Variants in SARDH observed in about 807,000 individuals in gnomAD.
The protein encoded by SARDH is sarcosine dehydrogenase, mitochondrial.
A neutral mutation model predicts 109.1 loss-of-function variants in SARDH; 95 were observed. The ratio of observed to expected loss-of-function variants is 0.87; its 90% CI spans 0.74 to 1.03. The LOEUF is 1.03. Ranked by LOEUF, SARDH falls within the 50% of genes least tolerant of loss-of-function variation. SARDH has a pLI of 0.00. For missense variants in SARDH, 1,267 were observed against 1,287.8 expected, an observed-to-expected ratio of 0.98 and a Z score of 0.25; for synonymous variants, 572 against 534.8, an observed-to-expected ratio of 1.07 and a Z score of -0.96.
At chr9:133,731,575 A>G (rs562337959) in intron 3 of SARDH, 91 bp from the exon 4 acceptor site, 1,086 of 1,319,352 alleles carry the variant, frequency 8.2e-4, no homozygotes, top group Non-Finnish European at 1.1e-3. Flanking sequence ...CGCAAACCCC[A>G]GCCTCACTTT....
chr9:133,677,247 G>A (rs115357376), intron 17 of SARDH, among the ~76,000 whole-genome samples: 1,709 of 152,158 alleles, frequency 0.011, 34 homozygotes, highest in African/African-American at 0.039. Flanking sequence ...ACAGAGCTTC[G>A]AACATAACTG....
intron 20 of SARDH, 149 bp from the exon 21 acceptor site, chr9:133,664,163 G>A: frequency 2.8e-6 from 3 of 1,084,378 alleles, no homozygotes; most frequent in Non-Finnish European, 3.9e-6. Context: ...TCTGAACCCA[G>A]GCATTGCCCC....
intron 10 of SARDH, 44 bp from the exon 11 acceptor site, chr9:133,708,472 G>C: frequency 3.2e-6 from 5 of 1,574,510 alleles, no homozygotes; most frequent in Non-Finnish European, 4.3e-6. Context: ...GGGATGGCCC[G>C]TCAGGGAAGG....
intron 17 of SARDH, among the ~76,000 whole-genome samples, chr9:133,677,930 G>A (rs930703607): frequency 3.9e-5 from 6 of 152,216 alleles, no homozygotes; most frequent in African/African-American, 7.2e-5. Context: ...GCTGAGGCCC[G>A]CTGAGTCCCC....
rs1163357150 is a variant in SARDH at position 133,664,144 on chromosome 9, G to A, written c.2632-130C>T. ...GTGGGCAAACTCATCCCTGTGCCAG[G>A]GACTCCTTTCTGAACCCAGGCATTG... On this transcript the variant is annotated intron_variant, in intron 20 of 20. Transcript: ENST00000439388. 2.4e-6 allele frequency: 3 copies of A among 1,268,978 alleles called. No individual in the cohort carries two copies. The East Asian group carries it at 7.6e-5, about 32-fold the overall frequency. The allele number at this position is 1,268,978 out of a possible 1,614,324, so 78.6% of individuals were successfully genotyped here. A position where few individuals can be genotyped will look rare whatever the true frequency, so the allele number is the denominator to read the frequency against.
chr9:133,702,141 G>C (rs749623675), intron 13 of SARDH, among the ~76,000 whole-genome samples: 6 of 152,240 alleles, frequency 3.9e-5, no homozygotes, highest in Non-Finnish European at 7.3e-5. Flanking sequence ...CCCTGGGGTG[G>C]CACGGGGACA....
intron 10 of SARDH, among the ~76,000 whole-genome samples, chr9:133,708,701 C>T (rs559466664): frequency 6.6e-6 from 1 of 152,232 alleles, no homozygotes; most frequent in East Asian, 1.9e-4. Flanking sequence ...GGACATGGGA[C>T]TCCAGCCTCG....
chr9:133,685,299 G>A lies in SARDH; in HGVS notation c.2070-13C>T, dbSNP rs757121220. ...CAAAATGGCTCGGCTGCAGGCAAGAGCAAAGTCGCTCAGTCAGCAAGTGCT... is the reference window on the plus strand; with the variant it reads ...CAAAATGGCTCGGCTGCAGGCAAGAACAAAGTCGCTCAGTCAGCAAGTGCT... On this transcript the variant is annotated splice_polypyrimidine_tract_variant and intron_variant, in intron 16 of 20. Transcript: ENST00000439388. 1.8e-5 allele frequency: 29 copies of A among 1,611,202 alleles called. No individual in the cohort carries two copies. Among genetic ancestry groups the A allele is most frequent in the Non-Finnish European group, 2.5e-5 (29 of 1,179,268 alleles).
chr9:133,680,084 C>G (rs562650949), intron 17 of SARDH, among the ~76,000 whole-genome samples: 1 of 152,352 alleles, frequency 6.6e-6, no homozygotes, highest in Admixed American at 6.5e-5. Flanking sequence ...TAAGCCAGCA[C>G]AAGATATTAT....
Position 133,703,045 on chromosome 9 carries a change from G to A in SARDH, c.1555-16C>T. 1.9e-6 allele frequency: 3 copies of A among 1,603,212 alleles called. No individual in the cohort carries two copies. The highest frequency in any genetic ancestry group is 2.6e-6 in the Non-Finnish European group (3 of 1,174,334). ...ACTCGAGGACCTGGGAAGAAAAGAC[G>A]TGGTCCTCAGCCTGCCTCTTTGGCC... On this transcript the variant is annotated splice_polypyrimidine_tract_variant and intron_variant, in intron 12 of 20. Transcript: ENST00000439388.
intron 11 of SARDH, among the ~76,000 whole-genome samples, chr9:133,707,002 A>C (rs543458044): frequency 6.6e-6 from 1 of 152,308 alleles, no homozygotes; most frequent in African/African-American, 2.4e-5. Flanking sequence ...TCAGTGAACC[A>C]TGGGGACATC....
Position 133,687,408 on chromosome 9 carries a change from C to T in SARDH, c.2070-2122G>A, listed in dbSNP as rs1459653875. Among the ~76,000 whole-genome samples the T allele has an allele frequency of 2.0e-5, 3 of 152,288 alleles. No homozygotes were observed. In the East Asian group the frequency reaches 5.8e-4, roughly 29 times the overall value. On this transcript the variant is annotated intron_variant, in intron 16 of 20. Transcript: ENST00000439388. ...GCCTTGGGCTCCCAAGTAGCTGCGA[C>T]TACAGGTGTGCACCACCGTGCTGAG...
At chr9:133,691,704 G>A (rs1254301653) in intron 15 of SARDH, among the ~76,000 whole-genome samples, 1 of 152,134 alleles carries the variant, frequency 6.6e-6, no homozygotes, top group African/African-American at 2.4e-5. Context: ...TCGGCTCCGT[G>A]GTGATCTGAT....
intron 10 of SARDH, among the ~76,000 whole-genome samples, chr9:133,711,868 C>T (rs1052125158): frequency 6.6e-6 from 1 of 152,152 alleles, no homozygotes; most frequent in African/African-American, 2.4e-5. Context: ...ACAGGCCCTG[C>T]TGTGTGGGTC....
downstream of SARDH, among the ~76,000 whole-genome samples, chr9:133,660,579 A>T (rs1217719358): frequency 2.6e-5 from 4 of 152,196 alleles, no homozygotes; most frequent in African/African-American, 9.7e-5. Context: ...CCAGCAGCCC[A>T]GGTTGCTATT....
At chr9:133,664,269 C>T (rs1053714110) in intron 20 of SARDH, among the ~76,000 whole-genome samples, 10 of 152,252 alleles carry the variant, frequency 6.6e-5, no homozygotes, top group Middle Eastern at 3.4e-3. Context: ...TGACTTCCAC[C>T]GGACAACACA....
At chr9:133,726,884 G>A (rs921674312) in intron 6 of SARDH, among the ~76,000 whole-genome samples, 1 of 152,134 alleles carries the variant, frequency 6.6e-6, no homozygotes, top group African/African-American at 2.4e-5. Flanking sequence ...CTGTATGCCG[G>A]GCACCACTCC....
At chr9:133,725,443 T>C in intron 6 of SARDH, 1 of 347,670 alleles carries the variant, frequency 2.9e-6, no homozygotes. Context: ...AAGTCCGAGA[T>C]GGGTGGATTG....
At chr9:133,659,705 C>T (rs1048018706), downstream of SARDH, among the ~76,000 whole-genome samples, 1 of 152,172 alleles carries the variant, frequency 6.6e-6, no homozygotes, top group African/African-American at 2.4e-5. Context: ...AGCCCAGGAG[C>T]TCTGCCTCAC....
Sources: allele counts gnomAD v4.1 joint callset (sites outside exome capture counted in the v4.1 genomes callset), GRCh38; gene constraint gnomAD v4.1.1; transcripts MANE v1.5; gene names NCBI Gene and HGNC (gene_info 2026-07-23, HGNC 2026-07-21).